The following NAV2 variants were observed in gnomAD, a reference collection of about 807,000 sequenced individuals.
NAV2 encodes helicase, APC down-regulated 1.
A neutral mutation model predicts 223.2 loss-of-function variants in NAV2; 54 were observed. The ratio of observed to expected loss-of-function variants is 0.24; its 90% CI spans 0.19 to 0.30. NAV2 has a LOEUF of 0.30. Among genes scored for constraint, NAV2 ranks in the 10% least tolerant of loss-of-function variants. The pLI is 1.00. For synonymous variants in NAV2, 1,279 were observed against 1,239.3 expected (o/e 1.03, Z -0.67); for missense variants, 2,806 against 3,147.5 (o/e 0.89, Z 2.60).
chr11:19,889,501 G>T (rs947968826), intron 5 of NAV2, among the ~76,000 whole-genome samples: 1 of 152,184 alleles, frequency 6.6e-6, no homozygotes, highest in African/African-American at 2.4e-5. Context: ...GAGCTGGCTT[G>T]AGCTTTTTGG....
chr11:19,687,571 T>A (rs2049057573), intron 1 of NAV2, among the ~76,000 whole-genome samples: 1 of 152,164 alleles, frequency 6.6e-6, no homozygotes, highest in Non-Finnish European at 1.5e-5. Flanking sequence ...CCTGGAGCTA[T>A]GGAGAAAGGC....
intron 5 of NAV2, among the ~76,000 whole-genome samples, chr11:19,886,241 G>A (rs2040960582): frequency 6.6e-6 from 1 of 152,078 alleles, no homozygotes. Flanking sequence ...GCCTCCCAGG[G>A]CGCTGGGATT....
Position 19,892,553 on chromosome 11 carries a change from C to G in NAV2, c.890C>G (p.Pro297Arg). The change falls in exon 6 of 38, where the codon CCA becomes CGA. Residue 297 changes from proline (P) to arginine (R), a missense_variant. Around this residue, in one of 4 missense-constraint regions of NAV2, gnomAD observed 1,167 missense variants for 1,180.5 expected, o/e 0.99. Coordinates refer to ENST00000349880, the MANE Select transcript of NAV2 (RefSeq NM_145117.5). ...TTTAACAACTATGATAAATCCAAAC[C>G]AGTCACCTCCCCACCCCCACCGCCA... is the stretch of plus-strand genomic sequence containing the variant. ...QSFNNYDKSK[P>R]VTSPPPPPSS... The G allele has an allele frequency of 1.5e-5, 24 of 1,614,072 alleles. No homozygotes were observed. The highest frequency in any genetic ancestry group is 1.9e-5 in the Non-Finnish European group (23 of 1,179,988).
At chr11:19,355,052 G>A (rs1369524099) in intron 1 of NAV2, among the ~76,000 whole-genome samples, 1 of 152,134 alleles carries the variant, frequency 6.6e-6, no homozygotes, top group African/African-American at 2.4e-5. Context: ...AATTCAATGA[G>A]GTAAGTATTG....
chr11:19,514,216 T>C (rs1397455533), intron 1 of NAV2, among the ~76,000 whole-genome samples: 1 of 152,106 alleles, frequency 6.6e-6, no homozygotes, highest in East Asian at 1.9e-4. Context: ...TCTAGGGTGT[T>C]TTGTGTTTGT....
At chr11:19,693,862 A>G (rs540806159) in intron 1 of NAV2, among the ~76,000 whole-genome samples, 2 of 152,352 alleles carry the variant, frequency 1.3e-5, no homozygotes, top group South Asian at 2.1e-4. Flanking sequence ...AGATCTCTTC[A>G]TTGTAGCTGG....
chr11:19,802,257 G>T (rs1303009535), intron 1 of NAV2, among the ~76,000 whole-genome samples: 1 of 152,080 alleles, frequency 6.6e-6, no homozygotes, highest in African/African-American at 2.4e-5. Flanking sequence ...GGGAAACTTG[G>T]CATGGAGCTT....
At chr11:19,491,955 A>G (rs72899416) in intron 1 of NAV2, among the ~76,000 whole-genome samples, 153 of 120,950 alleles carry the variant, frequency 1.3e-3, no homozygotes, top group South Asian at 5.3e-3. Context: ...GGGAGACTCA[A>G]AGAGAGAGAG....
rs1244306285 is a variant in NAV2 at position 19,556,936 on chromosome 11, T to C, written c.75+205909T>C. Among the ~76,000 whole-genome samples the C allele has an allele frequency of 3.9e-5, 6 of 152,196 alleles. 1 individual carries two copies. In the South Asian group the frequency reaches 1.2e-3, roughly 32 times the overall value. ...TACTCTCTGAAATTCTTACTAGTCT[T>C]CTAGGGGATTTATGGACCTTGATTT... On this transcript the variant is annotated intron_variant, in intron 1 of 37. Transcript: ENST00000360655.
intron 15 of NAV2, 54 bp from the exon 16 acceptor site, chr11:20,049,782 C>T (rs2057794514): frequency 6.4e-7 from 1 of 1,558,072 alleles, no homozygotes; most frequent in South Asian, 1.1e-5. Flanking sequence ...AACACCTCTC[C>T]TTTCTTCCAA....
At chr11:19,889,780 A>G (rs915888644) in intron 5 of NAV2, among the ~76,000 whole-genome samples, 1 of 152,216 alleles carries the variant, frequency 6.6e-6, no homozygotes, top group Non-Finnish European at 1.5e-5. Context: ...AGATACCCCA[A>G]GTATAAGATC....
At chr11:19,903,854 T>A (rs867347732) in intron 6 of NAV2, among the ~76,000 whole-genome samples, 1 of 152,168 alleles carries the variant, frequency 6.6e-6, no homozygotes, top group African/African-American at 2.4e-5. Context: ...CACATTTGTT[T>A]CCTCAATTTA....
At chr11:19,493,216 C>G (rs1262428794) in intron 1 of NAV2, among the ~76,000 whole-genome samples, 1 of 151,838 alleles carries the variant, frequency 6.6e-6, no homozygotes, top group Non-Finnish European at 1.5e-5. Flanking sequence ...CCCCATTATC[C>G]TTCTCCTCCA....
chr11:19,831,191 C>T (rs1470543047), intron 1 of NAV2, among the ~76,000 whole-genome samples: 5 of 133,602 alleles, frequency 3.7e-5, no homozygotes, highest in African/African-American at 1.5e-4. Context: ...GCAAACCTGA[C>T]CCCGGCTCCT....
At chr11:19,573,327 T>TA (rs768604750) in intron 1 of NAV2, among the ~76,000 whole-genome samples, 82 of 152,176 alleles carry the variant, frequency 5.4e-4, no homozygotes, top group Admixed American at 1.2e-3. Flanking sequence ...TTGTCTGACA[T>TA]ACTATCATAT....
chr11:19,891,443 A>G (rs1418437218), intron 5 of NAV2, among the ~76,000 whole-genome samples: 1 of 152,194 alleles, frequency 6.6e-6, no homozygotes, highest in Non-Finnish European at 1.5e-5. Context: ...GGGCCATAAT[A>G]TCTTTAGACA....
At chr11:19,649,669 A>G (rs943240305) in intron 1 of NAV2, among the ~76,000 whole-genome samples, 8 of 152,210 alleles carry the variant, frequency 5.3e-5, no homozygotes, top group African/African-American at 1.9e-4. Context: ...TCCAGATCCC[A>G]TAACATTAGA....
At chr11:19,816,480 CTGAG>C (rs2059096680) in intron 1 of NAV2, among the ~76,000 whole-genome samples, 1 of 152,240 alleles carries the variant, frequency 6.6e-6, no homozygotes, top group East Asian at 1.9e-4. Flanking sequence ...TTACCCCTCC[CTGAG>C]TACTTCTGCA....
intron 1 of NAV2, among the ~76,000 whole-genome samples, chr11:19,640,262 G>A (rs1342156504): frequency 6.6e-6 from 1 of 152,146 alleles, no homozygotes; most frequent in African/African-American, 2.4e-5. Flanking sequence ...AACAGATTTG[G>A]ACGATATACT....
Sources: allele counts gnomAD v4.1 joint callset (sites outside exome capture counted in the v4.1 genomes callset), GRCh38; gene constraint gnomAD v4.1.1; regional missense constraint gnomAD v4.1.1; transcripts MANE v1.5; gene names NCBI Gene and HGNC (gene_info 2026-07-23, HGNC 2026-07-21).